The following DMGDH variants were observed in gnomAD, a reference collection of about 807,000 sequenced individuals.
DMGDH encodes dimethylglycine dehydrogenase, mitochondrial.
A neutral mutation model predicts 95.2 loss-of-function variants in DMGDH; 76 were observed. The ratio of observed to expected loss-of-function variants is 0.80; its 90% confidence interval spans 0.66 to 0.97. The LOEUF (loss-of-function observed/expected upper bound fraction) is 0.97. Ranked by LOEUF, DMGDH falls within the 50% of genes least tolerant of loss-of-function variation. The probability of loss-of-function intolerance (pLI) is 0.00; values close to 1 mark genes in which losing one functional copy is unlikely to be tolerated. For missense variants in DMGDH, 987 were observed against 1,055.0 expected, an observed-to-expected ratio of 0.94 and a Z score of 0.89; for synonymous variants, 345 against 377.6, an observed-to-expected ratio of 0.91 and a Z score of 1.00.
intron 15 of DMGDH, among the ~76,000 whole-genome samples, chr5:79,001,512 CCAT>C: frequency 6.6e-6 from 1 of 152,242 alleles, no homozygotes; most frequent in Middle Eastern, 3.4e-3. Context: ...TTTCATTTCC[CCAT>C]CTGTAAGAAA....
At chr5:79,058,831 C>T (rs1190510318) in intron 2 of DMGDH, among the ~76,000 whole-genome samples, 1 of 152,196 alleles carries the variant, frequency 6.6e-6, no homozygotes, top group Admixed American at 6.5e-5. Context: ...TTAGAAAATT[C>T]ATTCCTGGAT....
chr5:79,019,261 A>C (rs1032709235), intron 14 of DMGDH, among the ~76,000 whole-genome samples: 2 of 152,222 alleles, frequency 1.3e-5, no homozygotes, highest in Non-Finnish European at 2.9e-5. Context: ...GAAAAAACAA[A>C]GATATGGGGC....
chr5:79,044,390 T>C lies in DMGDH; in HGVS notation c.908A>G (p.Glu303Gly). 1 of 1,614,166 alleles carries C rather than the reference T, an allele frequency of 6.2e-7. No homozygotes were observed. Among genetic ancestry groups the C allele is most frequent in the Non-Finnish European group, 8.5e-7 (1 of 1,180,004 alleles). Residue 303 changes from glutamate (E) to glycine (G), a missense_variant, in exon 6 of 16, where the codon GAA (glutamate) becomes GGA (glycine). Physicochemically the swap from Glu to Gly is moderately conservative, Grantham distance 98. Coordinates refer to ENST00000255189, the MANE Select transcript of DMGDH (RefSeq NM_013391.3). Reference sequence around the variant, plus strand: ...TGGACCAAACAAAAGCCCATCCCTTTCCTGTCGGAGATAATATGATCCTTC... The same window carrying C: ...TGGACCAAACAAAAGCCCATCCCTTCCCTGTCGGAGATAATATGATCCTTC... The part of the protein sequence containing the change: ...DLEGSYYLRQ[E>G]RDGLLFGPYE...
At chr5:79,046,927 C>A (rs1007214923) in intron 5 of DMGDH, among the ~76,000 whole-genome samples, 1 of 152,162 alleles carries the variant, frequency 6.6e-6, no homozygotes, top group African/African-American at 2.4e-5. Context: ...ATTTCTGAGT[C>A]CAACTGCTTG....
chr5:79,063,752 C>T lies in DMGDH; in HGVS notation c.137G>A (p.Trp46Ter). The change falls in exon 2 of 16, where the codon TGG (tryptophan) becomes TAG (stop). Residue 46 changes from tryptophan to a stop codon, truncating the protein, a stop_gained. Coordinates refer to ENST00000255189, the MANE Select transcript of DMGDH (RefSeq NM_013391.3). LOFTEE classifies it high-confidence loss of function. ...EKPPLSAETQ[W>*]KDRAETVIIG... Reference sequence around the variant, plus strand: ...TATCACTGTTTCTGCTCTGTCTTTCCATTGTGTTTCTGCAGATAAGGGTGG... The same window carrying T: ...TATCACTGTTTCTGCTCTGTCTTTCTATTGTGTTTCTGCAGATAAGGGTGG... The T allele has an allele frequency of 6.2e-7, 1 of 1,614,166 alleles. No individual in the cohort carries two copies. Among genetic ancestry groups the T allele is most frequent in the Non-Finnish European group, 8.5e-7 (1 of 1,180,028 alleles).
chr5:79,006,181 A>G (rs1448844760), intron 14 of DMGDH, among the ~76,000 whole-genome samples: 1 of 150,462 alleles, frequency 6.6e-6, no homozygotes. Flanking sequence ...CGACATTGTT[A>G]TAGGGATAAC....
chr5:79,053,122 G>A (rs532327068), intron 4 of DMGDH, among the ~76,000 whole-genome samples: 58 of 152,114 alleles, frequency 3.8e-4, no homozygotes, highest in Middle Eastern at 3.4e-3. Context: ...AATATATACC[G>A]CATAACATAG....
intron 1 of DMGDH, among the ~76,000 whole-genome samples, chr5:79,068,886 A>C (rs576235907): frequency 6.6e-6 from 1 of 152,330 alleles, no homozygotes; most frequent in South Asian, 2.1e-4. Flanking sequence ...GGTGTGCCGC[A>C]TGCAAACTCT....
rs1754947204 is a variant in DMGDH, at chr5:79,054,107, TTTAG to T, written c.540+73_540+76del. 3 of 1,538,496 alleles carry T rather than the reference TTTAG, an allele frequency of 1.9e-6. No individual in the cohort carries two copies. In the East Asian group the frequency reaches 6.8e-5, roughly 35 times the overall value. Reference sequence around the variant, plus strand: ...AAATGTGTGTACCAAGTTTTCTGTTTTTAGTTAACTTCTTAATAACTTTTTCTAA... The same window carrying T: ...AAATGTGTGTACCAAGTTTTCTGTTTTTAACTTCTTAATAACTTTTTCTAA... On this transcript the variant is annotated intron_variant, in intron 4 of 15. Coordinates refer to ENST00000255189, the MANE Select transcript of DMGDH (RefSeq NM_013391.3).
chr5:79,027,945 A>C (rs1207838440), intron 12 of DMGDH, among the ~76,000 whole-genome samples: 2 of 151,786 alleles, frequency 1.3e-5, no homozygotes, highest in Non-Finnish European at 2.9e-5. Flanking sequence ...AGTTCAAGCA[A>C]ATCTCCTGCC....
chr5:79,067,146 C>G (rs1339548202), intron 1 of DMGDH, among the ~76,000 whole-genome samples: 3 of 152,164 alleles, frequency 2.0e-5, no homozygotes. Flanking sequence ...TCAGTTGACT[C>G]CTGTATGCTT....
chr5:79,060,398 G>A (rs533809603), intron 2 of DMGDH, among the ~76,000 whole-genome samples: 1 of 152,300 alleles, frequency 6.6e-6, no homozygotes, highest in South Asian at 2.1e-4. Flanking sequence ...AAGCAGTCTT[G>A]TTAAAACCTT....
At position 79,028,630 on chromosome 5, in the gene DMGDH, A is replaced by C; in HGVS notation, c.1835T>G (p.Val612Gly). 6.2e-7 allele frequency: 1 copy of C among 1,614,144 alleles called. No individual in the cohort carries two copies. Reference protein sequence around the residue: ...HDLRWIEEEAVKGGYDVEIKN... With the variant: ...HDLRWIEEEAGKGGYDVEIKN... ...AATTTCAACATCATATCCACCTTTGACTGCTTCTTCTTCAATCCATCTGCG... is the reference window on the plus strand; with the variant it reads ...AATTTCAACATCATATCCACCTTTGCCTGCTTCTTCTTCAATCCATCTGCG... The change falls in exon 12 of 16, where the codon GTC becomes GGC. Residue 612 changes from valine to glycine, a missense_variant. Transcript: ENST00000255189.
intron 5 of DMGDH, among the ~76,000 whole-genome samples, chr5:79,050,273 A>AAAAAATATATATATATAT (rs1554037270): frequency 4.8e-5 from 1 of 20,936 alleles, no homozygotes; most frequent in African/African-American, 1.6e-4. Flanking sequence ...AAAAAAAAAA[A>AAAAAATATATATATATAT]ATATATATAT....
At position 79,054,352 on chromosome 5, in the gene DMGDH, T is replaced by A. The variant is rs749336694; in HGVS notation, c.376-4A>T. The A allele has an allele frequency of 1.9e-6, 3 of 1,614,008 alleles. No homozygotes were observed. Among genetic ancestry groups the A allele is most frequent in the Non-Finnish European group, 2.5e-6 (3 of 1,179,924 alleles). ...CTGGCTGATGGAATCCCACCACCTG[T>A]GACAATAATTCCAGTGAGAGCATAT... On this transcript the variant is annotated splice_region_variant and splice_polypyrimidine_tract_variant and intron_variant, in intron 3 of 15. Transcript: ENST00000255189.
intron 1 of DMGDH, among the ~76,000 whole-genome samples, chr5:79,065,418 G>A (rs1467879084): frequency 6.6e-6 from 1 of 151,562 alleles, no homozygotes. Flanking sequence ...CACCATGTTG[G>A]CCAGGCTGGT....
chr5:79,058,382 G>A (rs1755095195), intron 2 of DMGDH, among the ~76,000 whole-genome samples: 1 of 152,180 alleles, frequency 6.6e-6, no homozygotes, highest in Non-Finnish European at 1.5e-5. Context: ...TATGAAGATG[G>A]CACAATGTTT....
In DMGDH at chr5:79,027,559, A is replaced by G. The variant is rs1045782277; in HGVS notation, c.2032+874T>C. On this transcript the variant is annotated intron_variant, in intron 12 of 15. Coordinates refer to ENST00000255189, the MANE Select transcript of DMGDH (RefSeq NM_013391.3). ...CTGTGAGAGACAAGGAGGTCTAGAA[A>G]AACTTAGAAGGGAGCCCAGAGCACC... Among the ~76,000 whole-genome samples the G allele has an allele frequency of 3.5e-4, 53 of 152,292 alleles. 1 individual carries two copies. The highest frequency in any genetic ancestry group is 7.4e-5 in the Non-Finnish European group (5 of 68,024).
At chr5:79,035,156 T>C (rs1754312208) in intron 7 of DMGDH, among the ~76,000 whole-genome samples, 1 of 151,624 alleles carries the variant, frequency 6.6e-6, no homozygotes, top group Non-Finnish European at 1.5e-5. Context: ...ATCCAAGTTA[T>C]CCACAAACAA....
Sources: gnomAD v4.1 joint callset for allele counts (sites outside exome capture counted in the v4.1 genomes callset) on GRCh38, gnomAD v4.1.1 for gene constraint, MANE v1.5 for transcripts, NCBI Gene and HGNC (gene_info 2026-07-23, HGNC 2026-07-21) for gene names.